The following KLF8 variants were observed in gnomAD, a reference collection of about 807,000 sequenced individuals.
KLF8 encodes Krueppel-like factor 8.
Under a neutral mutation model 18.2 loss-of-function variants are expected in KLF8, and 10 were observed. That is an observed-to-expected ratio of 0.55 (90% CI 0.34 to 0.93). The LOEUF (loss-of-function observed/expected upper bound fraction) is 0.93, where lower values mean the gene tolerates loss of function less well. Ranked by LOEUF, KLF8 falls within the 40% of genes least tolerant of loss-of-function variation. The probability of loss-of-function intolerance (pLI) is 0.02; values close to 1 mark genes in which losing one functional copy is unlikely to be tolerated. For missense variants in KLF8, 264 were observed against 277.9 expected, an observed-to-expected ratio of 0.95 and a Z score of 0.36; for synonymous variants, 109 against 97.3, an observed-to-expected ratio of 1.12 and a Z score of -0.71.
the KLF8 span, among the ~76,000 whole-genome samples, chrX:56,154,695 G>A: frequency 2.1e-4 from 23 of 111,183 alleles, no homozygotes; most frequent in Non-Finnish European, 3.4e-4. Flanking sequence ...AAAATTTTGC[G>A]ATGTTCTCAT....
the KLF8 span, among the ~76,000 whole-genome samples, chrX:55,955,554 G>GT: frequency 3.6e-5 from 4 of 111,583 alleles, no homozygotes; most frequent in Non-Finnish European, 7.6e-5. Flanking sequence ...ACATTGCCAT[G>GT]TTTCTGGGGT....
the KLF8 span, among the ~76,000 whole-genome samples, chrX:56,007,038 G>A: frequency 2.7e-5 from 3 of 112,238 alleles, no homozygotes; most frequent in Admixed American, 9.4e-5. Context: ...CTTGCTGCTA[G>A]TGGTCAGTGG....
At chrX:55,981,781 C>T in the KLF8 span, among the ~76,000 whole-genome samples, 1 of 111,179 alleles carries the variant, frequency 9.0e-6, no homozygotes, top group South Asian at 3.8e-4. Context: ...CTGCACAGGC[C>T]GAACAATGAC....
chrX:56,178,421 C>G, the KLF8 span, among the ~76,000 whole-genome samples: 1 of 112,015 alleles, frequency 8.9e-6, no homozygotes, highest in Non-Finnish European at 1.9e-5. Context: ...AACTTTCTCC[C>G]ATCCTGTAGG....
At chrX:55,977,055 T>C in the KLF8 span, among the ~76,000 whole-genome samples, 17 of 112,175 alleles carry the variant, frequency 1.5e-4, no homozygotes, top group Non-Finnish European at 3.2e-4. Flanking sequence ...AGATAGGTCA[T>C]CTGCCAACAG....
At chrX:55,926,039 A>G in the KLF8 span, among the ~76,000 whole-genome samples, 3 of 111,629 alleles carry the variant, frequency 2.7e-5, no homozygotes, top group South Asian at 3.8e-4. Flanking sequence ...TTATTTTAGC[A>G]CCATATTCTT....
At chrX:56,038,920 G>C in the KLF8 span, among the ~76,000 whole-genome samples, 1 of 112,123 alleles carries the variant, frequency 8.9e-6, no homozygotes, top group Non-Finnish European at 1.9e-5. Context: ...TCGTGAGATG[G>C]TATCTCATTG....
the KLF8 span, among the ~76,000 whole-genome samples, chrX:56,165,212 A>G: frequency 9.0e-6 from 1 of 111,393 alleles, no homozygotes; most frequent in African/African-American, 3.3e-5. Context: ...TCTGTGAAGA[A>G]TCTCAATTGC....
chrX:55,937,487 G>A, the KLF8 span, among the ~76,000 whole-genome samples: 9 of 112,596 alleles, frequency 8.0e-5, no homozygotes, highest in Admixed American at 9.4e-5. Flanking sequence ...CCAAAGGAGC[G>A]CAGCTCCTCA....
At chrX:56,002,122 C>T in the KLF8 span, among the ~76,000 whole-genome samples, 16 of 111,854 alleles carry the variant, frequency 1.4e-4, no homozygotes, top group African/African-American at 4.9e-4. Flanking sequence ...ACTTCATCTT[C>T]TATCACTCTC....
chrX:55,946,210 G>C, the KLF8 span, among the ~76,000 whole-genome samples: 1 of 111,713 alleles, frequency 9.0e-6, no homozygotes, highest in African/African-American at 3.3e-5. Context: ...AAAGCTGGAA[G>C]CATCATGCTA....
At chrX:56,263,109 T>G (rs2066908646) in intron 2 of KLF8, among the ~76,000 whole-genome samples, 1 of 111,817 alleles carries the variant, frequency 8.9e-6, no homozygotes, top group African/African-American at 3.3e-5. Flanking sequence ...AATAAGAGCT[T>G]AAGTTGATTT....
chrX:55,958,680 T>C, the KLF8 span, among the ~76,000 whole-genome samples: 1 of 112,514 alleles, frequency 8.9e-6, no homozygotes, highest in African/African-American at 3.2e-5. Flanking sequence ...TTACTGAAAG[T>C]AGTCTAGAAC....
At chrX:56,227,851 T>C (rs1009715605), upstream of KLF8, among the ~76,000 whole-genome samples, 1 of 95,814 alleles carries the variant, frequency 1.0e-5, no homozygotes, top group Admixed American at 1.2e-4. Flanking sequence ...TAAAAACCCA[T>C]ACATACTCAA....
chrX:56,136,392 G>C, the KLF8 span, among the ~76,000 whole-genome samples: 15 of 111,088 alleles, frequency 1.4e-4, no homozygotes, highest in African/African-American at 4.9e-4. Context: ...CATGGTACTG[G>C]TACCAAAACA....
At chrX:56,042,914 A>G in the KLF8 span, among the ~76,000 whole-genome samples, 1 of 111,907 alleles carries the variant, frequency 8.9e-6, no homozygotes, top group Admixed American at 9.5e-5. Flanking sequence ...GCCTCATAAT[A>G]TCACTGGACT....
the KLF8 span, among the ~76,000 whole-genome samples, chrX:56,043,176 G>A: frequency 9.0e-6 from 1 of 110,958 alleles, no homozygotes; most frequent in Non-Finnish European, 1.9e-5. Context: ...GGTTTCCACT[G>A]TGAGGTTCGC....
At chrX:56,130,532 A>C in the KLF8 span, among the ~76,000 whole-genome samples, 1 of 111,755 alleles carries the variant, frequency 8.9e-6, no homozygotes, top group Non-Finnish European at 1.9e-5. Flanking sequence ...TCGCTCTGAC[A>C]TAGCCTACCC....
intron 5 of KLF8, among the ~76,000 whole-genome samples, chrX:56,277,453 T>A (rs2067137464): frequency 1.8e-5 from 2 of 111,966 alleles, no homozygotes; most frequent in East Asian, 5.6e-4. Flanking sequence ...AAGAATTTTC[T>A]GGATTACCAA....
Sources: allele counts gnomAD v4.1 joint callset (sites outside exome capture counted in the v4.1 genomes callset), GRCh38; gene constraint gnomAD v4.1.1; transcripts MANE v1.5; gene names NCBI Gene and HGNC (gene_info 2026-07-23, HGNC 2026-07-21).